The following PABPC4L variants were observed in gnomAD, a reference collection of about 807,000 sequenced individuals.
PABPC4L encodes poly(A) binding protein cytoplasmic 4 like.
For missense variants in PABPC4L, 452 were observed against 451.4 expected, an observed-to-expected ratio of 1.00 and a Z score of -0.01; for synonymous variants, 169 against 164.1, an observed-to-expected ratio of 1.03 and a Z score of -0.23.
chr4:134,185,021 C>T, the PABPC4L span, among the ~76,000 whole-genome samples: 693 of 152,102 alleles, frequency 4.6e-3, 9 homozygotes, highest in African/African-American at 0.016. Context: ...AGGTAATTCA[C>T]TTGCTTATTG....
At chr4:134,104,290 T>A in the PABPC4L span, among the ~76,000 whole-genome samples, 2 of 151,626 alleles carry the variant, frequency 1.3e-5, no homozygotes, top group Non-Finnish European at 3.0e-5. Flanking sequence ...TACCTCCACT[T>A]GTTCCTTTCC....
chr4:134,116,077 G>C, the PABPC4L span, among the ~76,000 whole-genome samples: 1 of 151,756 alleles, frequency 6.6e-6, no homozygotes, highest in Non-Finnish European at 1.5e-5. Context: ...CTCATATAGA[G>C]AGGGTCCCAC....
the PABPC4L span, among the ~76,000 whole-genome samples, chr4:134,127,295 G>A: frequency 7.2e-5 from 11 of 151,832 alleles, no homozygotes; most frequent in East Asian, 1.7e-3. Context: ...CCTATACAAC[G>A]GCAGCTGATG....
the PABPC4L span, among the ~76,000 whole-genome samples, chr4:133,986,181 AG>A: frequency 1.3e-5 from 2 of 152,260 alleles, no homozygotes; most frequent in East Asian, 3.9e-4. Flanking sequence ...AGCTTAAGGT[AG>A]CAGGTATTAA....
At chr4:133,959,833 T>C in the PABPC4L span, among the ~76,000 whole-genome samples, 1 of 152,246 alleles carries the variant, frequency 6.6e-6, no homozygotes, top group African/African-American at 2.4e-5. Flanking sequence ...TTGGCTATGT[T>C]CAAGTCTTTT....
the PABPC4L span, among the ~76,000 whole-genome samples, chr4:134,005,482 G>T: frequency 6.6e-6 from 1 of 151,862 alleles, no homozygotes; most frequent in Non-Finnish European, 1.5e-5. Flanking sequence ...TAATGGATTA[G>T]TATAAGGCAA....
the PABPC4L span, among the ~76,000 whole-genome samples, chr4:134,061,253 T>G: frequency 6.6e-6 from 1 of 151,080 alleles, no homozygotes; most frequent in Admixed American, 6.6e-5. Flanking sequence ...CCAATTAGAG[T>G]ATGAGTGTTT....
the PABPC4L span, among the ~76,000 whole-genome samples, chr4:134,155,354 T>TC: frequency 6.6e-6 from 1 of 151,098 alleles, no homozygotes; most frequent in Non-Finnish European, 1.5e-5. Flanking sequence ...CTTCTTTCTC[T>TC]CCCCCAACAC....
the PABPC4L span, among the ~76,000 whole-genome samples, chr4:134,190,776 C>G: frequency 6.6e-6 from 1 of 151,976 alleles, no homozygotes; most frequent in African/African-American, 2.4e-5. Flanking sequence ...CTCAGCCTCC[C>G]CAGTAGCTGC....
chr4:133,951,776 C>A, the PABPC4L span, among the ~76,000 whole-genome samples: 1 of 151,890 alleles, frequency 6.6e-6, no homozygotes, highest in Non-Finnish European at 1.5e-5. Flanking sequence ...GAAGGGTAAC[C>A]CCATTAAGTT....
chr4:133,984,357 T>C, the PABPC4L span, among the ~76,000 whole-genome samples: 1 of 151,868 alleles, frequency 6.6e-6, no homozygotes, highest in African/African-American at 2.4e-5. Flanking sequence ...GTCTCATTTT[T>C]AATTGTCTAC....
the PABPC4L span, among the ~76,000 whole-genome samples, chr4:134,076,106 C>A: frequency 2.0e-5 from 3 of 151,134 alleles, no homozygotes; most frequent in Admixed American, 6.6e-5. Flanking sequence ...TACCTAATTT[C>A]AGGAAAATTT....
At chr4:133,953,793 T>C in the PABPC4L span, among the ~76,000 whole-genome samples, 1 of 152,204 alleles carries the variant, frequency 6.6e-6, no homozygotes, top group Non-Finnish European at 1.5e-5. Flanking sequence ...TGATCATGGC[T>C]GCCCTTCTAA....
the PABPC4L span, among the ~76,000 whole-genome samples, chr4:134,055,525 T>C: frequency 6.6e-6 from 1 of 151,836 alleles, no homozygotes; most frequent in Non-Finnish European, 1.5e-5. Flanking sequence ...ATGAAAAAAT[T>C]TTTTTCTATC....
At chr4:134,022,290 T>C in the PABPC4L span, among the ~76,000 whole-genome samples, 1 of 152,114 alleles carries the variant, frequency 6.6e-6, no homozygotes. Context: ...CTCAAATACA[T>C]TTAATTAGCA....
chr4:133,953,210 AG>A, the PABPC4L span, among the ~76,000 whole-genome samples: 1 of 151,970 alleles, frequency 6.6e-6, no homozygotes, highest in African/African-American at 2.4e-5. Flanking sequence ...CAGTCTTTGG[AG>A]TTGTTCCCTT....
the PABPC4L span, among the ~76,000 whole-genome samples, chr4:134,147,726 A>AGTGT: frequency 3.4e-5 from 5 of 145,350 alleles, no homozygotes; most frequent in East Asian, 2.1e-4. Context: ...CAGAAATTAC[A>AGTGT]GTGTGTGTGT....
the PABPC4L span, among the ~76,000 whole-genome samples, chr4:134,132,913 C>T: frequency 1.4e-5 from 2 of 142,792 alleles, no homozygotes; most frequent in Non-Finnish European, 3.0e-5. Flanking sequence ...TTATATATTG[C>T]ATATTATATA....
chr4:134,003,558 C>G, the PABPC4L span, among the ~76,000 whole-genome samples: 3 of 151,656 alleles, frequency 2.0e-5, no homozygotes, highest in Non-Finnish European at 4.4e-5. Context: ...AAGTCTCATT[C>G]AATAGCACAT....
Sources: gnomAD v4.1 joint callset for allele counts (sites outside exome capture counted in the v4.1 genomes callset) on GRCh38, gnomAD v4.1.1 for gene constraint, MANE v1.5 for transcripts, NCBI Gene and HGNC (gene_info 2026-07-23, HGNC 2026-07-21) for gene names.